PCDHGC4: variants seen among roughly 807,000 people sequenced by gnomAD.
The protein encoded by PCDHGC4 is protocadherin gamma-C4.
Under a neutral mutation model 59.7 loss-of-function variants are expected in PCDHGC4, and 15 were observed. The observed-to-expected ratio is 0.25, with a 90% confidence interval of 0.17 to 0.39. The LOEUF (loss-of-function observed/expected upper bound fraction) is 0.39. Ranked by LOEUF, PCDHGC4 falls within the 10% of genes least tolerant of loss-of-function variation. The pLI is 1.00. For synonymous variants in PCDHGC4, 434 were observed against 481.4 expected (o/e 0.90, Z 1.29); for missense variants, 1,016 against 1,189.5 (o/e 0.85, Z 2.15).
At chr5:141,502,547 C>G (rs1340258642) in intron 2 of PCDHGC4, among the ~76,000 whole-genome samples, 2 of 152,156 alleles carry the variant, frequency 1.3e-5, no homozygotes, top group East Asian at 3.8e-4. Context: ...GTGGTAAAAA[C>G]AGTGTCCCAG....
chr5:141,507,631 C>T (rs1435446169), intron 3 of PCDHGC4, among the ~76,000 whole-genome samples: 4 of 152,236 alleles, frequency 2.6e-5, no homozygotes, highest in East Asian at 3.8e-4. Context: ...TGTGGCCTTG[C>T]GCCCTGAGGC....
Position 141,491,711 on chromosome 5 carries a change from C to A in PCDHGC4, c.2443-3096C>A, listed in dbSNP as rs528931820. ...CGGGAGCGGAGCCAGGTGAGGGGCT[C>A]GGCGCCGCCCCGGGCGACCCCTGGG... On this transcript the variant is annotated intron_variant, in intron 1 of 3. Coordinates refer to ENST00000306593, the MANE Select transcript of PCDHGC4 (RefSeq NM_018928.3). The surrounding 1 kb of genome is among the most constrained non-coding windows in gnomAD (Gnocchi z 6.9). 1.3e-4 allele frequency: 217 copies of A among 1,609,356 alleles called. 3 individuals are homozygous for A. In the South Asian group the frequency reaches 2.2e-3, roughly 17 times the overall value.
At chr5:141,510,849 G>C (rs959784028) in intron 3 of PCDHGC4, 98 bp from the exon 4 acceptor site, 10 of 1,596,568 alleles carry the variant, frequency 6.3e-6, no homozygotes, top group Middle Eastern at 1.7e-4. Flanking sequence ...CAAGGCCCAG[G>C]GTGCTGTATA....
chr5:141,486,909 C>T lies in PCDHGC4; in HGVS notation c.1736C>T (p.Ala579Val), dbSNP rs759702188. The part of the protein sequence containing the change: ...RARPGSLCPQ[A>V]LPPSVGAGHL... ...CGGCCTGGTTCCTTATGTCCCCAAGCACTGCCTCCATCAGTTGGTGCTGGC... is the reference window on the plus strand; with the variant it reads ...CGGCCTGGTTCCTTATGTCCCCAAGTACTGCCTCCATCAGTTGGTGCTGGC... The change falls in exon 1 of 4, where the codon GCA becomes GTA. Residue 579 changes from alanine to valine, a missense_variant. Transcript: ENST00000306593. This position sits in a 1 kb window ranked among gnomAD's most constrained non-coding sequence, Gnocchi z 5.0. 2 of 1,614,262 alleles carry T rather than the reference C, an allele frequency of 1.2e-6. No homozygotes were observed. Among genetic ancestry groups the T allele is most frequent in the Non-Finnish European group, 1.7e-6 (2 of 1,180,054 alleles).
At position 141,489,135 on chromosome 5, in the gene PCDHGC4, G is replaced by T; in HGVS notation, c.2442+1520G>T. The T allele has an allele frequency of 1.4e-6, 1 of 725,448 alleles. No individual in the cohort carries two copies. The highest frequency in any genetic ancestry group is 2.1e-6 in the Non-Finnish European group (1 of 470,770). 44.9% of individuals were successfully genotyped at this position (725,448 alleles called of 1,614,324 possible). ...GCAAACCTCCGAGCAGTTTTTAAGA[G>T]GCTGGAAGGAGACATAAGAGACTTC... On this transcript the variant is annotated intron_variant, in intron 1 of 3. Coordinates refer to ENST00000306593, the MANE Select transcript of PCDHGC4 (RefSeq NM_018928.3). The surrounding 1 kb of genome is among the most constrained non-coding windows in gnomAD (Gnocchi z 4.5).
Position 141,486,453 on chromosome 5 carries a change from C to T in PCDHGC4, c.1280C>T (p.Ala427Val), listed in dbSNP as rs776820667. 6.2e-6 allele frequency: 10 copies of T among 1,614,114 alleles called. No homozygotes were observed. The highest frequency in any genetic ancestry group is 1.1e-5 in the South Asian group (1 of 91,082). Residue 427 changes from alanine (A) to valine (V), a missense_variant, in exon 1 of 4, where the codon GCT (alanine) becomes GTT (valine). Ala to Val is a moderately conservative substitution (Grantham distance 64). Transcript: ENST00000306593. The surrounding 1 kb of genome is among the most constrained non-coding windows in gnomAD (Gnocchi z 5.0). The part of the protein sequence containing the change: ...AKSSYDIMVT[A>V]SDAGNPPLST... ...TCTAGCTATGACATCATGGTCACTGCTTCTGATGCTGGGAACCCTCCTCTC... is the reference window on the plus strand; with the variant it reads ...TCTAGCTATGACATCATGGTCACTGTTTCTGATGCTGGGAACCCTCCTCTC...
In PCDHGC4 at chr5:141,490,673, C is replaced by T; in HGVS notation, c.2442+3058C>T. ...GGCTCCCTTCTTTGCACTGTGGCTG[C>T]CTCAGATCCAGACACTGGGGATAAT... On this transcript the variant is annotated intron_variant, in intron 1 of 3. Coordinates refer to ENST00000306593, the MANE Select transcript of PCDHGC4 (RefSeq NM_018928.3). This position sits in a 1 kb window ranked among gnomAD's most constrained non-coding sequence, Gnocchi z 5.4. 1.2e-6 allele frequency: 2 copies of T among 1,614,126 alleles called. No homozygotes were observed. The highest frequency in any genetic ancestry group is 1.7e-6 in the Non-Finnish European group (2 of 1,179,952).
At chr5:141,503,745 G>A (rs1377110427) in intron 2 of PCDHGC4, among the ~76,000 whole-genome samples, 3 of 152,220 alleles carry the variant, frequency 2.0e-5, no homozygotes, top group South Asian at 2.1e-4. Flanking sequence ...ATGGTATAGA[G>A]GTCACACATG....
intron 1 of PCDHGC4, among the ~76,000 whole-genome samples, chr5:141,492,927 G>A (rs925569925): frequency 2.0e-5 from 3 of 152,180 alleles, no homozygotes; most frequent in Admixed American, 6.5e-5. Context: ...AGCGATCTAG[G>A]GTCAGAGATT....
Position 141,491,078 on chromosome 5 carries a change from C to G in PCDHGC4, c.2442+3463C>G, listed in dbSNP as rs1386717886. The G allele has an allele frequency of 5.6e-6, 9 of 1,614,194 alleles. No homozygotes were observed. Among genetic ancestry groups the G allele is most frequent in the East Asian group, 4.5e-5 (2 of 44,882 alleles). ...CTCTCCTACTCACTGTTGCCACAGTCCACAGCCCCAGGACTGTTCCTCGTG... is the reference window on the plus strand; with the variant it reads ...CTCTCCTACTCACTGTTGCCACAGTGCACAGCCCCAGGACTGTTCCTCGTG... On this transcript the variant is annotated intron_variant, in intron 1 of 3. Transcript: ENST00000306593. This position sits in a 1 kb window ranked among gnomAD's most constrained non-coding sequence, Gnocchi z 6.9.
At chr5:141,497,904 A>G (rs939422338) in intron 2 of PCDHGC4, among the ~76,000 whole-genome samples, 2 of 152,136 alleles carry the variant, frequency 1.3e-5, no homozygotes, top group African/African-American at 2.4e-5. Context: ...AGTAACTTCA[A>G]CTTCTCTCCT....
chr5:141,485,106 T>C lies in PCDHGC4; in HGVS notation c.-68T>C, dbSNP rs2099607051. The C allele has an allele frequency of 3.3e-6, 4 of 1,206,448 alleles. No homozygotes were observed. Among genetic ancestry groups the C allele is most frequent in the Non-Finnish European group, 4.8e-6 (4 of 828,284 alleles). 74.7% of individuals were successfully genotyped at this position (1,206,448 alleles called of 1,614,324 possible). ...GGGAGATAGGTGTCTCCAGCTGCTGTGGCTGTTTGGGGCGGGTCGGCTTCA... is the reference window on the plus strand; with the variant it reads ...GGGAGATAGGTGTCTCCAGCTGCTGCGGCTGTTTGGGGCGGGTCGGCTTCA... On this transcript the variant is annotated 5_prime_UTR_variant, in exon 1 of 4. Coordinates refer to ENST00000306593, the MANE Select transcript of PCDHGC4 (RefSeq NM_018928.3). This position sits in a 1 kb window ranked among gnomAD's most constrained non-coding sequence, Gnocchi z 5.7.
intron 1 of PCDHGC4, 110 bp from the exon 2 acceptor site, chr5:141,494,697 T>C: frequency 6.3e-7 from 1 of 1,590,934 alleles, no homozygotes; most frequent in Non-Finnish European, 8.6e-7. Flanking sequence ...TAGTCCGTTT[T>C]CTTCTCTGTG....
chr5:141,511,711 T>G lies in PCDHGC4; in HGVS notation c.*538T>G. 1 of 185,916 alleles carries G rather than the reference T, an allele frequency of 5.4e-6. No individual in the cohort carries two copies. Among genetic ancestry groups the G allele is most frequent in the South Asian group, 1.1e-4 (1 of 8,818 alleles). The allele number at this position is 185,916 out of a possible 1,614,324, so 11.5% of individuals were successfully genotyped here. A position where few individuals can be genotyped will look rare whatever the true frequency, so the allele number is the denominator to read the frequency against. Reference sequence around the variant, plus strand: ...GTTTGGTGCCAGCCCCTTCACCTCCTTCCAGAGCCCAAGATCAATGCTCAA... The same window carrying G: ...GTTTGGTGCCAGCCCCTTCACCTCCGTCCAGAGCCCAAGATCAATGCTCAA... On this transcript the variant is annotated 3_prime_UTR_variant, in exon 4 of 4. Transcript: ENST00000306593.
Position 141,487,632 on chromosome 5 carries a change from C to G in PCDHGC4, c.2442+17C>G, listed in dbSNP as rs374506603. The G allele has an allele frequency of 6.2e-7, 1 of 1,614,186 alleles. No homozygotes were observed. Among genetic ancestry groups the G allele is most frequent in the East Asian group, 2.2e-5 (1 of 44,888 alleles). On this transcript the variant is annotated intron_variant, in intron 1 of 3. Coordinates refer to ENST00000306593, the MANE Select transcript of PCDHGC4 (RefSeq NM_018928.3). The surrounding 1 kb of genome is among the most constrained non-coding windows in gnomAD (Gnocchi z 5.0). ...GGGCTAGAGGTGAGACCTTTGCAGG[C>G]TCAACAAATGCTTGAGGGTTATTCT... is the stretch of plus-strand genomic sequence containing the variant.
chr5:141,491,876 A>G lies in PCDHGC4; in HGVS notation c.2443-2931A>G. ...TTGCGCGAAACCAGAGTGGCCGATT[A>G]AGGGATGGGGCTCCGAGCACCGGGG... On this transcript the variant is annotated intron_variant, in intron 1 of 3. Coordinates refer to ENST00000306593, the MANE Select transcript of PCDHGC4 (RefSeq NM_018928.3). The surrounding 1 kb of genome is among the most constrained non-coding windows in gnomAD (Gnocchi z 6.9). 2.1e-6 allele frequency: 3 copies of G among 1,450,326 alleles called. No individual in the cohort carries two copies. Among genetic ancestry groups the G allele is most frequent in the Non-Finnish European group, 1.8e-6 (2 of 1,097,472 alleles). 89.8% of individuals were successfully genotyped at this position (1,450,326 alleles called of 1,614,324 possible).
In PCDHGC4 at chr5:141,489,958, C is replaced by T; in HGVS notation, c.2442+2343C>T. 1 of 1,614,202 alleles carries T rather than the reference C, an allele frequency of 6.2e-7. No individual in the cohort carries two copies. The highest frequency in any genetic ancestry group is 8.5e-7 in the Non-Finnish European group (1 of 1,180,016). On this transcript the variant is annotated intron_variant, in intron 1 of 3. Transcript: ENST00000306593. This position sits in a 1 kb window ranked among gnomAD's most constrained non-coding sequence, Gnocchi z 4.5. ...CGTGCTGGACATCAATGATAATGCT[C>T]CAACCTTCCAATCCTCAGTTCTACG... is the stretch of plus-strand genomic sequence containing the variant.
At chr5:141,496,768 A>G (rs997951321) in intron 2 of PCDHGC4, among the ~76,000 whole-genome samples, 10 of 152,260 alleles carry the variant, frequency 6.6e-5, no homozygotes, top group African/African-American at 2.4e-4. Context: ...TCGAGCATCT[A>G]CTATGAGCAG....
rs552812176 is a variant in PCDHGC4, at chr5:141,497,407, A to G, written c.2501+2542A>G. Among the ~76,000 whole-genome samples, 43 of 152,204 alleles carry G rather than the reference A, an allele frequency of 2.8e-4. No individual in the cohort carries two copies. In the Middle Eastern group the frequency reaches 0.01, roughly 36 times the overall value. The stretch of plus-strand genomic sequence containing the variant: ...GCACCTTACCCCTGCCTCAACTCCC[A>G]TTCCATCAAATGAGAGGCTTAGTGG... On this transcript the variant is annotated intron_variant, in intron 2 of 3. Coordinates refer to ENST00000306593, the MANE Select transcript of PCDHGC4 (RefSeq NM_018928.3).
Sources: allele counts gnomAD v4.1 joint callset (sites outside exome capture counted in the v4.1 genomes callset), GRCh38; gene constraint gnomAD v4.1.1; non-coding constraint Gnocchi (gnomAD v3.1); transcripts MANE v1.5; gene names NCBI Gene and HGNC (gene_info 2026-07-23, HGNC 2026-07-21).